CPS1: variants seen among roughly 807,000 people sequenced by gnomAD.
CPS1 encodes the protein carbamoyl-phosphate synthase 1.
Under a neutral mutation model 174.6 loss-of-function variants are expected in CPS1, and 109 were observed. The observed-to-expected ratio is 0.62, with a 90% CI of 0.53 to 0.73. The LOEUF (loss-of-function observed/expected upper bound fraction) is 0.73. Ranked by LOEUF, CPS1 falls within the 30% of genes least tolerant of loss-of-function variation. The probability of loss-of-function intolerance (pLI) is 0.00; values close to 1 mark genes in which losing one functional copy is unlikely to be tolerated. For missense variants in CPS1, 1,689 were observed against 1,821.9 expected (o/e 0.93, Z 1.33); for synonymous variants, 637 against 632.0 (o/e 1.01, Z -0.12).
intron 1 of CPS1, among the ~76,000 whole-genome samples, chr2:210,523,968 G>T (rs903786863): frequency 6.6e-6 from 1 of 152,104 alleles, no homozygotes; most frequent in South Asian, 2.1e-4. Context: ...GGGAAATGCA[G>T]TCCGCATTCT....
At chr2:210,667,610 G>A (rs1701143531) in intron 33 of CPS1, among the ~76,000 whole-genome samples, 1 of 152,092 alleles carries the variant, frequency 6.6e-6, no homozygotes, top group South Asian at 2.1e-4. Flanking sequence ...TTCACTTTAT[G>A]AAAATGATGT....
At chr2:210,596,663 T>C (rs1019721818) in intron 13 of CPS1, among the ~76,000 whole-genome samples, 1 of 151,962 alleles carries the variant, frequency 6.6e-6, no homozygotes, top group Admixed American at 6.6e-5. Context: ...TGTATTATGC[T>C]TTAATTTCTC....
chr2:210,629,057 T>C (rs1394021647), intron 21 of CPS1, among the ~76,000 whole-genome samples: 1 of 152,182 alleles, frequency 6.6e-6, no homozygotes, highest in Non-Finnish European at 1.5e-5. Flanking sequence ...CTATTTTCTA[T>C]GAGGCCTTAT....
chr2:210,564,444 C>T (rs1257153474), intron 1 of CPS1, among the ~76,000 whole-genome samples: 1 of 151,736 alleles, frequency 6.6e-6, no homozygotes, highest in Non-Finnish European at 1.5e-5. Context: ...GCTGCGATCT[C>T]GGCTCACTGC....
At chr2:210,604,405 A>G (rs1294624190) in intron 16 of CPS1, among the ~76,000 whole-genome samples, 1 of 151,896 alleles carries the variant, frequency 6.6e-6, no homozygotes, top group African/African-American at 2.4e-5. Flanking sequence ...GTCAAAGATT[A>G]CCACTTTCCT....
At chr2:210,596,290 CGTT>C (rs1698479773) in intron 13 of CPS1, among the ~76,000 whole-genome samples, 1 of 151,872 alleles carries the variant, frequency 6.6e-6, no homozygotes, top group South Asian at 2.1e-4. Flanking sequence ...TGGTACCCCT[CGTT>C]GTGCTAATCA....
chr2:210,514,011 CTGGGCTCTCTAT>C, intron 1 of CPS1, among the ~76,000 whole-genome samples: 1 of 151,822 alleles, frequency 6.6e-6, no homozygotes, highest in African/African-American at 2.4e-5. Flanking sequence ...GGCACTGTTT[CTGGGCTCTCTAT>C]TCTGTTTCAT....
chr2:210,501,161 G>T (rs1395390262), intron 1 of CPS1, among the ~76,000 whole-genome samples: 2 of 152,066 alleles, frequency 1.3e-5, no homozygotes, highest in Non-Finnish European at 2.9e-5. Flanking sequence ...ACATCGGGGG[G>T]CCCTGGACCT....
At chr2:210,661,654 G>A (rs1458148448) in intron 32 of CPS1, among the ~76,000 whole-genome samples, 1 of 152,052 alleles carries the variant, frequency 6.6e-6, no homozygotes, top group African/African-American at 2.4e-5. Flanking sequence ...ATGTTGGGAG[G>A]AGAGGTGGCA....
At chr2:210,674,986 T>C in intron 35 of CPS1, 25 bp downstream of exon 35, 1 of 1,569,602 alleles carries the variant, frequency 6.4e-7, no homozygotes, top group Non-Finnish European at 8.8e-7. Flanking sequence ...TTTAAGTTGT[T>C]TTCTGTCAGC....
intron 31 of CPS1, among the ~76,000 whole-genome samples, chr2:210,659,311 G>C (rs1374244242): frequency 6.6e-6 from 1 of 152,082 alleles, no homozygotes; most frequent in Non-Finnish European, 1.5e-5. Flanking sequence ...GCAAGGGAGT[G>C]GGCAGGTGCA....
chr2:210,478,538 A>C (rs1244401762), intron 1 of CPS1, among the ~76,000 whole-genome samples: 1 of 151,402 alleles, frequency 6.6e-6, no homozygotes, highest in Non-Finnish European at 1.5e-5. Flanking sequence ...ATCTCCTTTC[A>C]CTTTAGTTAT....
chr2:210,668,321 T>A, intron 34 of CPS1, 37 bp downstream of exon 34: 1 of 1,388,494 alleles, frequency 7.2e-7, no homozygotes, highest in Non-Finnish European at 1.0e-6. Flanking sequence ...CCCATGGTCA[T>A]ACATGGTGAG....
intron 1 of CPS1, among the ~76,000 whole-genome samples, chr2:210,503,049 A>C (rs1039373275): frequency 1.3e-5 from 2 of 152,162 alleles, no homozygotes; most frequent in Admixed American, 6.5e-5. Flanking sequence ...CAGAATTGAG[A>C]TCATTGGCTT....
rs1320757506 is a variant in CPS1, at chr2:210,568,214, G to A, written c.127-5084G>A. 5.9e-5 allele frequency among the ~76,000 whole-genome samples: 9 copies of A among 151,938 alleles called. No individual in the cohort carries two copies. The East Asian group carries it at 1.5e-3, about 26-fold the overall frequency. ...AATTCTGATTTAGTACACACCATGG[G>A]TACTAGGAAGCAGTACCAGGATGTA... On this transcript the variant is annotated intron_variant, in intron 1 of 37. Transcript: ENST00000233072.
At chr2:210,642,146 T>C (rs772505063) in intron 24 of CPS1, among the ~76,000 whole-genome samples, 30 of 152,234 alleles carry the variant, frequency 2.0e-4, no homozygotes, top group Non-Finnish European at 4.0e-4. Context: ...ATATTCACTT[T>C]GAATTTCTTT....
intron 1 of CPS1, among the ~76,000 whole-genome samples, chr2:210,565,340 C>T (rs1349538739): frequency 6.6e-6 from 1 of 152,046 alleles, no homozygotes; most frequent in Non-Finnish European, 1.5e-5. Context: ...TTTTTCACCG[C>T]TTATTTTATA....
intron 25 of CPS1, among the ~76,000 whole-genome samples, chr2:210,646,721 A>G (rs1248470822): frequency 6.6e-6 from 1 of 152,074 alleles, no homozygotes; most frequent in Non-Finnish European, 1.5e-5. Flanking sequence ...TTAGGCAGGT[A>G]TTATCCTAAT....
intron 1 of CPS1, among the ~76,000 whole-genome samples, chr2:210,496,912 T>C (rs890216818): frequency 1.3e-5 from 2 of 152,238 alleles, no homozygotes; most frequent in African/African-American, 4.8e-5. Flanking sequence ...ATACTATGTG[T>C]TAACTGTCTA....
Sources: allele counts gnomAD v4.1 joint callset (sites outside exome capture counted in the v4.1 genomes callset), GRCh38; gene constraint gnomAD v4.1.1; transcripts MANE v1.5; gene names NCBI Gene and HGNC (gene_info 2026-07-23, HGNC 2026-07-21).